The following INO80B variants were observed in gnomAD, a reference collection of about 807,000 sequenced individuals.
The protein encoded by INO80B is INO80 complex subunit B.
A neutral mutation model predicts 31.4 loss-of-function variants in INO80B; 18 were observed. The ratio of observed to expected loss-of-function variants is 0.57; its 90% CI spans 0.40 to 0.85. The LOEUF (loss-of-function observed/expected upper bound fraction) is 0.85. Among genes scored for constraint, INO80B ranks in the 40% least tolerant of loss-of-function variants. The pLI, the probability that INO80B is intolerant of heterozygous loss-of-function variation, is 0.00. For missense variants in INO80B, 469 were observed against 475.4 expected, an observed-to-expected ratio of 0.99 and a Z score of 0.13; for synonymous variants, 238 against 199.0, an observed-to-expected ratio of 1.20 and a Z score of -1.65.
At chr2:74,455,369 T>C in intron 1 of INO80B, 37 bp from the exon 2 acceptor site, 1 of 1,613,442 alleles carries the variant, frequency 6.2e-7, no homozygotes, top group Non-Finnish European at 8.5e-7. Flanking sequence ...CCTGCCACCC[T>C]CCGGCCAAAC....
rs1671684285 is a variant in INO80B, at chr2:74,456,027, T to A, written c.371-76T>A. 8.4e-6 allele frequency: 13 copies of A among 1,553,370 alleles called. No individual in the cohort carries two copies. In the East Asian group the frequency reaches 2.9e-4, roughly 35 times the overall value. On this transcript the variant is annotated intron_variant, in intron 3 of 4. Transcript: ENST00000233331. ...CTGAAATGGGTTAGGATTTTCCATG[T>A]CCCAGTATTAACTCAGCCAAATTAG... is the stretch of plus-strand genomic sequence containing the variant.
At chr2:74,455,962 G>A in intron 3 of INO80B, 26 bp downstream of exon 3, 2 of 1,572,388 alleles carry the variant, frequency 1.3e-6, no homozygotes, top group Non-Finnish European at 1.8e-6. Flanking sequence ...TGGGGAAACT[G>A]GGTTTCTTAT....
In INO80B at chr2:74,457,612, G is replaced by T; in HGVS notation, c.819G>T (p.Val273=). The change falls in exon 5 of 5, where the codon GTG becomes GTT. Residue 273 remains valine (V), a synonymous_variant. Transcript: ENST00000233331. ...GGRAAAPAPM[V]RYCSGAQGST... ...GGGCTGCGGCTCCGGCCCCCATGGTGCGCTACTGCAGCGGAGCACAGGGTT... is the reference window on the plus strand; with the variant it reads ...GGGCTGCGGCTCCGGCCCCCATGGTTCGCTACTGCAGCGGAGCACAGGGTT... 1 of 1,572,210 alleles carries T rather than the reference G, an allele frequency of 6.4e-7. No homozygotes were observed. Among genetic ancestry groups the T allele is most frequent in the South Asian group, 1.1e-5 (1 of 87,634 alleles).
Position 74,456,183 on chromosome 2 carries a change from A to T in INO80B, c.451A>T (p.Arg151Trp). 2 of 1,614,008 alleles carry T rather than the reference A, an allele frequency of 1.2e-6. No individual in the cohort carries two copies. The highest frequency in any genetic ancestry group is 1.7e-6 in the Non-Finnish European group (2 of 1,179,926). ...GGGTCAGGAGGAAGAGGAGGAACAG[A>T]GGTGGCTGGATGCCCTGGAGAAGGG... ...LGGQEEEEEQ[R>W]WLDALEKGEL... The change falls in exon 4 of 5, where the codon AGG (arginine) becomes TGG (tryptophan). Residue 151 changes from arginine (R) to tryptophan (W), a missense_variant. Transcript: ENST00000233331.
Position 74,457,575 on chromosome 2 carries a change from G to A in INO80B, c.782G>A (p.Arg261Gln). ...GGCCGGGGGGGCGCACGGGGCGAGC[G>A]GCGGGGAGGGCGGGCTGCGGCTCCG... ...RGGRGGARGE[R>Q]RGGRAAAPAP... Residue 261 changes from arginine to glutamine, a missense_variant, in exon 5 of 5, where the codon CGG becomes CAG. Arg to Gln is a conservative substitution (Grantham distance 43). This residue lies in a region of INO80B where 201 missense variants were observed against 151.7 expected (regional missense o/e 1.32). Transcript: ENST00000233331. 2.0e-6 allele frequency: 3 copies of A among 1,513,452 alleles called. No individual in the cohort carries two copies. The highest frequency in any genetic ancestry group is 2.6e-6 in the Non-Finnish European group (3 of 1,135,684). The allele number at this position is 1,513,452 out of a possible 1,614,324, so 93.8% of individuals were successfully genotyped here.
In INO80B at chr2:74,457,939, C is replaced by T. The variant is rs928843859; in HGVS notation, c.*75C>T. 5 of 1,371,786 alleles carry T rather than the reference C, an allele frequency of 3.6e-6. No homozygotes were observed. The highest frequency in any genetic ancestry group is 4.9e-6 in the Non-Finnish European group (5 of 1,028,528). The allele number at this position is 1,371,786 out of a possible 1,614,324, so 85.0% of individuals were successfully genotyped here. A position where few individuals can be genotyped will look rare whatever the true frequency, so the allele number is the denominator to read the frequency against. On this transcript the variant is annotated 3_prime_UTR_variant, in exon 5 of 5. Coordinates refer to ENST00000233331, the MANE Select transcript of INO80B (RefSeq NM_031288.4). ...CTTCCCCACCCTATTAAATTACATC[C>T]GGTGCTTCGGCTTGTACAGAACTGG...
In INO80B at chr2:74,457,335, G is replaced by A. The variant is rs1671730475; in HGVS notation, c.542G>A (p.Arg181Gln). Residue 181 changes from arginine (R) to glutamine (Q), a missense_variant and splice_region_variant, in exon 5 of 5, where the codon CGA (arginine) becomes CAA (glutamine). Coordinates refer to ENST00000233331, the MANE Select transcript of INO80B (RefSeq NM_031288.4). ...INERLLTARQ[R>Q]ALLQKARSQP... Reference sequence around the variant, plus strand: ...CACCCCGTCTCTGTCTCTCCCTAGCGAGCTCTGCTCCAGAAGGCGCGGAGT... The same window carrying A: ...CACCCCGTCTCTGTCTCTCCCTAGCAAGCTCTGCTCCAGAAGGCGCGGAGT... The A allele has an allele frequency of 1.2e-6, 2 of 1,604,774 alleles. No individual in the cohort carries two copies. The highest frequency in any genetic ancestry group is 8.5e-7 in the Non-Finnish European group (1 of 1,176,434).
At position 74,455,131 on chromosome 2, in the gene INO80B, G is replaced by A; in HGVS notation, c.15G>A (p.Trp5Ter). MSKL[W>*]RRGSTSGAME... is the part of the protein sequence containing the mutation. ...CGCAGGACCTCATGAGTAAGCTGTG[G>A]CGGCGTGGGAGCACCTCTGGGGCTA... The change falls in exon 1 of 5, where the codon TGG (tryptophan) becomes TGA (stop). Residue 5 changes from tryptophan (W) to a stop codon, truncating the protein, a stop_gained. Transcript: ENST00000233331. LOFTEE classifies it high-confidence loss of function. 6.2e-7 allele frequency: 1 copy of A among 1,614,220 alleles called. No homozygotes were observed. Among genetic ancestry groups the A allele is most frequent in the South Asian group, 1.1e-5 (1 of 91,090 alleles).
At chr2:74,456,469 T>C (rs1167978764) in intron 4 of INO80B, among the ~76,000 whole-genome samples, 197 bp downstream of exon 4, 1 of 152,168 alleles carries the variant, frequency 6.6e-6, no homozygotes, top group African/African-American at 2.4e-5. Flanking sequence ...AAAAGCTATA[T>C]GGTTTATGAC....
At chr2:74,455,275 G>T in intron 1 of INO80B, 101 bp downstream of exon 1, 1 of 1,535,306 alleles carries the variant, frequency 6.5e-7, no homozygotes, top group East Asian at 2.2e-5. Flanking sequence ...GTGGCAAGGA[G>T]AAAGGCGGTG....
Position 74,455,849 on chromosome 2 carries a change from C to G in INO80B, c.283C>G (p.Pro95Ala). 3 of 1,612,898 alleles carry G rather than the reference C, an allele frequency of 1.9e-6. No homozygotes were observed. The highest frequency in any genetic ancestry group is 2.5e-6 in the Non-Finnish European group (3 of 1,178,986). ...VPTFTVIPEG[P>A]RSPSPLMVVD... The stretch of plus-strand genomic sequence containing the variant: ...TACCTTCACTGTGATCCCAGAGGGG[C>G]CTCGCTCACCCTCTCCCCTTATGGT... Residue 95 changes from proline to alanine, a missense_variant, in exon 3 of 5, where the codon CCT (proline) becomes GCT (alanine). Physicochemically the swap from Pro to Ala is conservative, Grantham distance 27. Coordinates refer to ENST00000233331, the MANE Select transcript of INO80B (RefSeq NM_031288.4).
Position 74,457,897 on chromosome 2 carries a change from T to C in INO80B, c.*33T>C, listed in dbSNP as rs761495533. The C allele has an allele frequency of 3.3e-6, 5 of 1,496,782 alleles. No individual in the cohort carries two copies. Among genetic ancestry groups the C allele is most frequent in the Non-Finnish European group, 3.5e-6 (4 of 1,128,090 alleles). 92.7% of individuals were successfully genotyped at this position (1,496,782 alleles called of 1,614,324 possible). ...AACCCGGACTCTGCGCCCCGTCCCATGCCCGCTCTTGAGTATCTTCCCCAC... is the reference window on the plus strand; with the variant it reads ...AACCCGGACTCTGCGCCCCGTCCCACGCCCGCTCTTGAGTATCTTCCCCAC... On this transcript the variant is annotated 3_prime_UTR_variant, in exon 5 of 5. Transcript: ENST00000233331.
chr2:74,455,645 G>C (rs774131617), intron 2 of INO80B, 47 bp downstream of exon 2: 1 of 1,556,086 alleles, frequency 6.4e-7, no homozygotes, highest in Non-Finnish European at 8.7e-7. Context: ...TTTAGGAGCA[G>C]AGATAGTAGT....
At position 74,456,136 on chromosome 2, in the gene INO80B, G is replaced by C. The variant is rs369158077; in HGVS notation, c.404G>C (p.Arg135Pro). Residue 135 changes from arginine to proline, a missense_variant, in exon 4 of 5, where the codon CGG becomes CCG. By Grantham distance (103) the Arg-to-Pro change is moderately radical (BLOSUM62 -2). Transcript: ENST00000233331. ...AGTAATCTCTCTCCCTCTCCACTTC[G>C]GGACCTATCAGGAGGGTTAGGGGGT... ...EDSNLSPSPL[R>P]DLSGGLGGQE... is the part of the protein sequence containing the mutation. 7.5e-6 allele frequency: 12 copies of C among 1,607,372 alleles called. No individual in the cohort carries two copies. Among genetic ancestry groups the C allele is most frequent in the Non-Finnish European group, 9.3e-6 (11 of 1,176,646 alleles).
In INO80B at chr2:74,457,607, A is replaced by G. The variant is rs368166183; in HGVS notation, c.814A>G (p.Met272Val). Residue 272 changes from methionine to valine, a missense_variant, in exon 5 of 5, where the codon ATG (methionine) becomes GTG (valine). Physicochemically the swap from Met to Val is conservative, Grantham distance 21 (BLOSUM62 1). Around this residue, in one of 3 missense-constraint regions of INO80B, gnomAD observed 201 missense variants for 151.7 expected, o/e 1.32. Transcript: ENST00000233331. Reference sequence around the variant, plus strand: ...AGGGCGGGCTGCGGCTCCGGCCCCCATGGTGCGCTACTGCAGCGGAGCACA... The same window carrying G: ...AGGGCGGGCTGCGGCTCCGGCCCCCGTGGTGCGCTACTGCAGCGGAGCACA... ...RGGRAAAPAP[M>V]VRYCSGAQGS... The G allele has an allele frequency of 9.8e-5, 153 of 1,560,982 alleles. 1 individual carries two copies. The East Asian group carries it at 1.5e-3, about 16-fold the overall frequency.
At chr2:74,455,676 T>C in intron 2 of INO80B, 78 bp downstream of exon 2, 1 of 1,484,164 alleles carries the variant, frequency 6.7e-7, no homozygotes, top group Non-Finnish European at 9.2e-7. Flanking sequence ...CTGGGCTTTC[T>C]AGAAGACCGA....
intron 1 of INO80B, 25 bp downstream of exon 1, chr2:74,455,199 T>G: frequency 6.2e-7 from 1 of 1,612,918 alleles, no homozygotes. Context: ...ATCAAGCAAT[T>G]TAGGTCGTGT....
Position 74,455,182 on chromosome 2 carries a change from C to T in INO80B, c.58+8C>T. 2.5e-6 allele frequency: 4 copies of T among 1,614,062 alleles called. No individual in the cohort carries two copies. The highest frequency in any genetic ancestry group is 3.4e-6 in the Non-Finnish European group (4 of 1,179,922). On this transcript the variant is annotated splice_region_variant and intron_variant, in intron 1 of 4. Transcript: ENST00000233331. ...TGGAGGCCCCTGAGCCGGGTAAGCG[C>T]GAATAGATCAAGCAATTTAGGTCGT... is the stretch of plus-strand genomic sequence containing the variant.
At position 74,457,495 on chromosome 2, in the gene INO80B, C is replaced by G; in HGVS notation, c.702C>G (p.His234Gln). 6.5e-7 allele frequency: 1 copy of G among 1,549,348 alleles called. No individual in the cohort carries two copies. The highest frequency in any genetic ancestry group is 8.7e-7 in the Non-Finnish European group (1 of 1,147,394). The change falls in exon 5 of 5, where the codon CAC (histidine) becomes CAG (glutamine). Residue 234 changes from histidine to glutamine, a missense_variant. Transcript: ENST00000233331. ...RLQAARRAEEHKNQTIERLTK... is the reference protein window; with the variant it reads ...RLQAARRAEEQKNQTIERLTK... ...AGGCGGCGCGGCGGGCAGAAGAGCA[C>G]AAGAACCAGACTATCGAGCGCCTCA...
Sources: allele counts gnomAD v4.1 joint callset (sites outside exome capture counted in the v4.1 genomes callset), GRCh38; gene constraint gnomAD v4.1.1; regional missense constraint gnomAD v4.1.1; transcripts MANE v1.5; gene names NCBI Gene and HGNC (gene_info 2026-07-23, HGNC 2026-07-21).